The following SYN3 variants were observed in gnomAD, a reference collection of about 807,000 sequenced individuals.
The protein encoded by SYN3 is synapsin III, also known as synapsin-3.
SYN3 carries 35 observed loss-of-function variants against 65.8 expected under a neutral mutation model. The ratio of observed to expected loss-of-function variants is 0.53; its 90% CI spans 0.41 to 0.70. The LOEUF is 0.70. Among genes scored for constraint, SYN3 ranks in the 30% least tolerant of loss-of-function variants. The pLI is 0.00. For missense variants in SYN3, 680 were observed against 749.0 expected, an observed-to-expected ratio of 0.91 and a Z score of 1.08; for synonymous variants, 270 against 292.9, an observed-to-expected ratio of 0.92 and a Z score of 0.80.
At chr22:32,886,848 T>C (rs2049304655) in intron 4 of SYN3, among the ~76,000 whole-genome samples, 1 of 152,214 alleles carries the variant, frequency 6.6e-6, no homozygotes, top group Non-Finnish European at 1.5e-5. Flanking sequence ...TTTGTCTGCA[T>C]AGTTACGTGC....
Position 32,539,170 on chromosome 22 carries a change from G to A in SYN3, c.918-1060C>T, listed in dbSNP as rs193187384. ...GGAATTGACACAAAAATGTATCATT[G>A]TAAGAGAAAATTGAAGTAAAAATGC... On this transcript the variant is annotated intron_variant, in intron 8 of 13. Transcript: ENST00000358763. Among the ~76,000 whole-genome samples the A allele has an allele frequency of 4.6e-5, 7 of 152,306 alleles. No homozygotes were observed. In the East Asian group the frequency reaches 1.4e-3, roughly 30 times the overall value.
At chr22:32,840,295 GA>G (rs2047857543) in intron 6 of SYN3, among the ~76,000 whole-genome samples, 1 of 152,148 alleles carries the variant, frequency 6.6e-6, no homozygotes, top group African/African-American at 2.4e-5. Context: ...AGTTAGTCAG[GA>G]CAGGCTTTGA....
intron 6 of SYN3, among the ~76,000 whole-genome samples, chr22:32,665,880 T>G (rs1032427357): frequency 6.6e-6 from 1 of 152,106 alleles, no homozygotes; most frequent in African/African-American, 2.4e-5. Flanking sequence ...AGCCCTGACC[T>G]CTCCCTGAAT....
intron 4 of SYN3, among the ~76,000 whole-genome samples, chr22:32,888,478 C>T (rs2049354130): frequency 6.6e-6 from 1 of 152,192 alleles, no homozygotes. Flanking sequence ...AGGAGGGTTA[C>T]AGTTACTCTA....
At chr22:32,541,927 C>A (rs2058262695) in intron 7 of SYN3, among the ~76,000 whole-genome samples, 1 of 152,066 alleles carries the variant, frequency 6.6e-6, no homozygotes, top group Admixed American at 6.5e-5. Flanking sequence ...GTCAAGAAAG[C>A]TTTACAGAGG....
intron 1 of SYN3, among the ~76,000 whole-genome samples, chr22:33,022,138 T>C (rs777632809): frequency 3.3e-5 from 5 of 152,248 alleles, no homozygotes; most frequent in Admixed American, 6.5e-5. Flanking sequence ...ACACGGCTTA[T>C]AAATTCTCCA....
intron 4 of SYN3, among the ~76,000 whole-genome samples, chr22:32,926,418 T>A (rs1167633088): frequency 6.6e-6 from 1 of 152,252 alleles, no homozygotes; most frequent in African/African-American, 2.4e-5. Flanking sequence ...TTTTGAAGTA[T>A]ATCTTGAGGT....
At chr22:33,028,025 G>C (rs141438330) in intron 1 of SYN3, among the ~76,000 whole-genome samples, 115 of 152,310 alleles carry the variant, frequency 7.6e-4, no homozygotes, top group African/African-American at 2.5e-3. Flanking sequence ...CCTTCCCCAA[G>C]GCTGTGTGTC....
Position 32,864,839 on chromosome 22 carries a change from T to A in SYN3, c.711+76A>T, listed in dbSNP as rs1207828379. 11 of 1,380,336 alleles carry A rather than the reference T, an allele frequency of 8.0e-6. No homozygotes were observed. In the East Asian group the frequency reaches 2.3e-4, roughly 29 times the overall value. 85.5% of individuals were successfully genotyped at this position (1,380,336 alleles called of 1,614,324 possible). A position where few individuals can be genotyped will look rare whatever the true frequency, so the allele number is the denominator to read the frequency against. On this transcript the variant is annotated intron_variant, in intron 6 of 13. Transcript: ENST00000358763. ...CAACCCCTAGAGTCCACCTCCTCCA[T>A]CCAAAGAGACCGAGGACAAGTCATC...
At chr22:32,913,077 G>GTGTA (rs2050094627) in intron 4 of SYN3, among the ~76,000 whole-genome samples, 1 of 152,136 alleles carries the variant, frequency 6.6e-6, no homozygotes, top group Admixed American at 6.5e-5. Flanking sequence ...AGCTTTGCAC[G>GTGTA]TGTAGGGGCA....
At chr22:32,696,921 G>A (rs2060744289) in intron 6 of SYN3, among the ~76,000 whole-genome samples, 1 of 152,168 alleles carries the variant, frequency 6.6e-6, no homozygotes, top group South Asian at 2.1e-4. Context: ...AGCTTTGCCT[G>A]TGGTGCAGCC....
At chr22:33,005,368 C>T (rs1163774161) in intron 2 of SYN3, among the ~76,000 whole-genome samples, 1 of 152,212 alleles carries the variant, frequency 6.6e-6, no homozygotes, top group Admixed American at 6.5e-5. Context: ...GTTGGGCTCA[C>T]TTCCTGAACT....
At chr22:32,603,654 G>A (rs1436070505) in intron 6 of SYN3, among the ~76,000 whole-genome samples, 1 of 152,088 alleles carries the variant, frequency 6.6e-6, no homozygotes, top group Non-Finnish European at 1.5e-5. Flanking sequence ...GGGTGTCGAA[G>A]GCCATTCCCA....
intron 3 of SYN3, among the ~76,000 whole-genome samples, chr22:32,950,659 A>G (rs1036968474): frequency 2.0e-5 from 3 of 152,120 alleles, no homozygotes; most frequent in African/African-American, 7.2e-5. Context: ...ACAGCCACAT[A>G]TCTAGTTAGT....
intron 9 of SYN3, among the ~76,000 whole-genome samples, chr22:32,534,528 T>C (rs2146193012): frequency 6.6e-6 from 1 of 152,306 alleles, no homozygotes; most frequent in Middle Eastern, 3.4e-3. Context: ...TTCCAGCCAC[T>C]TGATGTCTGC....
intron 1 of SYN3, among the ~76,000 whole-genome samples, chr22:33,033,112 C>G (rs1440298538): frequency 6.9e-6 from 1 of 144,588 alleles, no homozygotes; most frequent in Non-Finnish European, 1.5e-5. Context: ...TCCCAAGTAG[C>G]TGGGACTACA....
chr22:32,602,978 CTTTT>C (rs71184599), intron 6 of SYN3, among the ~76,000 whole-genome samples: 1 of 143,368 alleles, frequency 7.0e-6, no homozygotes. Context: ...TGGAGACATT[CTTTT>C]TTTTTTTTTT....
intron 6 of SYN3, among the ~76,000 whole-genome samples, chr22:32,640,273 T>C (rs2059877230): frequency 6.6e-6 from 1 of 152,208 alleles, no homozygotes; most frequent in Non-Finnish European, 1.5e-5. Flanking sequence ...GCCTCTCTGC[T>C]AGATTGTAAG....
intron 6 of SYN3, among the ~76,000 whole-genome samples, chr22:32,720,245 T>C (rs959577892): frequency 6.6e-5 from 10 of 152,220 alleles, no homozygotes; most frequent in Admixed American, 6.5e-5. Context: ...GAGTCCAACC[T>C]GGGTTTGTCT....
Sources: gnomAD v4.1 joint callset for allele counts (sites outside exome capture counted in the v4.1 genomes callset) on GRCh38, gnomAD v4.1.1 for gene constraint, MANE v1.5 for transcripts, NCBI Gene and HGNC (gene_info 2026-07-23, HGNC 2026-07-21) for gene names.